PCDH15: variants seen among roughly 807,000 people sequenced by gnomAD.
PCDH15 encodes the protein protocadherin related 15, also known as protocadherin-15.
Under a neutral mutation model 178.5 loss-of-function variants are expected in PCDH15, and 129 were observed. The ratio of observed to expected loss-of-function variants is 0.72; its 90% CI spans 0.63 to 0.84. The LOEUF (loss-of-function observed/expected upper bound fraction) is 0.84, where lower values mean the gene tolerates loss of function less well. PCDH15 is among the 40% of genes least tolerant of loss of function. PCDH15 has a pLI of 0.00. For missense variants in PCDH15, 2,230 were observed against 2,099.9 expected (o/e 1.06, Z -1.21); for synonymous variants, 800 against 732.0 (o/e 1.09, Z -1.50).
At chr10:53,897,475 C>T (rs988206105) in intron 26 of PCDH15, among the ~76,000 whole-genome samples, 3 of 152,100 alleles carry the variant, frequency 2.0e-5, no homozygotes, top group Non-Finnish European at 4.4e-5. Flanking sequence ...AAGGTGTTCA[C>T]ATTCTTTCAA....
intron 1 of PCDH15, among the ~76,000 whole-genome samples, chr10:55,267,866 G>A (rs920985717): frequency 1.3e-5 from 2 of 152,068 alleles, no homozygotes; most frequent in Admixed American, 6.6e-5. Flanking sequence ...AGAAATCAAT[G>A]CCTAAAAATA....
At chr10:54,381,167 G>A (rs980865136) in intron 3 of PCDH15, among the ~76,000 whole-genome samples, 1 of 151,994 alleles carries the variant, frequency 6.6e-6, no homozygotes, top group Admixed American at 6.6e-5. Flanking sequence ...ATGATACAAG[G>A]AGCAATATAC....
chr10:55,366,010 T>C (rs1181583554), intron 2 of PCDH15: 1 of 152,154 alleles, frequency 6.6e-6, no homozygotes, highest in Non-Finnish European at 1.5e-5. Context: ...ATTTATCCTG[T>C]CAAGAGTCAA....
intron 8 of PCDH15, among the ~76,000 whole-genome samples, chr10:54,305,029 A>G (rs562201303): frequency 6.6e-6 from 1 of 152,182 alleles, no homozygotes; most frequent in South Asian, 2.1e-4. Context: ...CACTTATACT[A>G]TGGCTTCTTA....
intron 32 of PCDH15, chr10:53,822,576 G>GTC: frequency 6.2e-7 from 1 of 1,613,930 alleles, no homozygotes; most frequent in Non-Finnish European, 8.5e-7. Context: ...ACAAATAGGT[G>GTC]TCTCTCTCCT....
At chr10:54,025,499 ATT>A (rs3067439) in intron 18 of PCDH15, among the ~76,000 whole-genome samples, 15,300 of 135,354 alleles carry the variant, frequency 0.11, 2,296 homozygotes, top group African/African-American at 0.35. Context: ...CATTTCCACC[ATT>A]TTTTTTTTTT....
chr10:54,073,060 G>A (rs978665109), intron 17 of PCDH15, among the ~76,000 whole-genome samples: 22 of 151,912 alleles, frequency 1.4e-4, no homozygotes, highest in African/African-American at 5.1e-4. Flanking sequence ...ATTGCATCAG[G>A]TATAAAAAAT....
chr10:53,826,752 C>A (rs1488679357), intron 32 of PCDH15, among the ~76,000 whole-genome samples: 2 of 152,008 alleles, frequency 1.3e-5, no homozygotes, highest in Non-Finnish European at 2.9e-5. Context: ...AGTTTCAAAT[C>A]GTGCAGGAGA....
At chr10:54,209,652 T>G (rs1029620833) in intron 10 of PCDH15, among the ~76,000 whole-genome samples, 4 of 152,074 alleles carry the variant, frequency 2.6e-5, no homozygotes, top group Non-Finnish European at 5.9e-5. Flanking sequence ...GGAGTAGTTA[T>G]CCAACCAATA....
chr10:53,937,413 ACTC>A (rs2085673219), intron 25 of PCDH15, among the ~76,000 whole-genome samples: 1 of 152,182 alleles, frequency 6.6e-6, no homozygotes, highest in South Asian at 2.1e-4. Flanking sequence ...CAACCTTTCC[ACTC>A]CTCATTTATC....
chr10:53,882,373 T>G (rs1361269901), intron 26 of PCDH15, among the ~76,000 whole-genome samples: 1 of 152,188 alleles, frequency 6.6e-6, no homozygotes, highest in African/African-American at 2.4e-5. Context: ...GGCCCCCTAG[T>G]CCCACTTTCT....
chr10:54,340,130 A>G (rs1941959900), intron 6 of PCDH15, among the ~76,000 whole-genome samples: 1 of 152,200 alleles, frequency 6.6e-6, no homozygotes, highest in Non-Finnish European at 1.5e-5. Context: ...GATATTTACT[A>G]AATTATTTTT....
At chr10:54,520,537 T>TGG (rs2082736343) in intron 3 of PCDH15, among the ~76,000 whole-genome samples, 1 of 152,116 alleles carries the variant, frequency 6.6e-6, no homozygotes. Context: ...CCAGTTAGAA[T>TGG]AGCAATCATT....
intron 13 of PCDH15, among the ~76,000 whole-genome samples, chr10:54,170,139 C>T (rs375373284): frequency 2.7e-4 from 37 of 135,932 alleles, no homozygotes; most frequent in East Asian, 2.5e-3. Context: ...AGGCAGCCCC[C>T]ATTACTTCAA....
In PCDH15 at chr10:53,829,308, C is replaced by T. The variant is rs7904767; in HGVS notation, c.4203-735G>A. On this transcript the variant is annotated intron_variant, in intron 30 of 37. Transcript: ENST00000644397. Reference sequence around the variant, plus strand: ...CAAACTAAAGGAGAATTAAATAATGCGTCTATAAATTATTTAAATATTAAA... The same window carrying T: ...CAAACTAAAGGAGAATTAAATAATGTGTCTATAAATTATTTAAATATTAAA... Among the ~76,000 whole-genome samples the T allele has an allele frequency of 8.5e-4, 130 of 152,160 alleles. 1 individual carries two copies. The highest frequency in any genetic ancestry group is 2.8e-3 in the African/African-American group (116 of 41,512).
chr10:55,541,678 T>G (rs1841762832), intron 2 of PCDH15, among the ~76,000 whole-genome samples: 1 of 151,926 alleles, frequency 6.6e-6, no homozygotes, highest in Non-Finnish European at 1.5e-5. Context: ...TCCACAGGTT[T>G]TTTCAATAAA....
intron 27 of PCDH15, among the ~76,000 whole-genome samples, chr10:53,859,160 TC>T (rs2078947525): frequency 6.6e-6 from 1 of 152,070 alleles, no homozygotes; most frequent in African/African-American, 2.4e-5. Flanking sequence ...TCACTAGGCC[TC>T]ATTCTCTGTT....
At chr10:54,719,230 G>A (rs1008480978) in intron 1 of PCDH15, among the ~76,000 whole-genome samples, 25 of 152,028 alleles carry the variant, frequency 1.6e-4, no homozygotes, top group African/African-American at 5.8e-4. Flanking sequence ...ACAGTTGAAA[G>A]TTTTAACAGT....
At chr10:54,784,421 A>T (rs866133216) in intron 1 of PCDH15, among the ~76,000 whole-genome samples, 1 of 152,034 alleles carries the variant, frequency 6.6e-6, no homozygotes, top group East Asian at 1.9e-4. Flanking sequence ...GTAGAAATGT[A>T]ACAAGCCAGG....
Sources: allele counts gnomAD v4.1 joint callset (sites outside exome capture counted in the v4.1 genomes callset), GRCh38; gene constraint gnomAD v4.1.1; transcripts MANE v1.5; gene names NCBI Gene and HGNC (gene_info 2026-07-23, HGNC 2026-07-21).